Variants in GIGYF2 observed in about 807,000 individuals in gnomAD.
GIGYF2 encodes GRB10 interacting GYF protein 2.
GIGYF2 carries 25 observed loss-of-function variants against 208.1 expected under a neutral mutation model. The observed-to-expected ratio is 0.12, with a 90% confidence interval of 0.09 to 0.17. GIGYF2 has a LOEUF of 0.17. Among genes scored for constraint, GIGYF2 ranks in the 10% least tolerant of loss-of-function variants. GIGYF2 has a pLI of 1.00. For missense variants in GIGYF2, 1,302 were observed against 1,579.4 expected (o/e 0.82, Z 2.98); for synonymous variants, 534 against 543.8 (o/e 0.98, Z 0.25).
Position 232,793,928 on chromosome 2 carries a change from C to T in GIGYF2, c.1283-820C>T, listed in dbSNP as rs182317980. On this transcript the variant is annotated intron_variant, in intron 12 of 28. Coordinates refer to ENST00000373563, the MANE Select transcript of GIGYF2 (RefSeq NM_001103146.3). ...TTGGCAACTTTGTGTCACTGCTTAT[C>T]TTTGAGAGAGGAGCTTTACTGGAAA... Among the ~76,000 whole-genome samples, 69 of 152,238 alleles carry T rather than the reference C, an allele frequency of 4.5e-4. 1 individual carries two copies. The highest frequency in any genetic ancestry group is 1.3e-3 in the African/African-American group (53 of 41,560).
intron 2 of GIGYF2, among the ~76,000 whole-genome samples, chr2:232,711,729 T>TATATATATATA (rs1696420892): frequency 1.3e-5 from 1 of 75,006 alleles, no homozygotes; most frequent in South Asian, 8.1e-4. Flanking sequence ...ATATATATAG[T>TATATATATATA]TGTAATAGAA....
rs764669004 is a variant in GIGYF2, at chr2:232,806,914, C to T, written c.1806+257C>T. Among the ~76,000 whole-genome samples the T allele has an allele frequency of 3.9e-5, 6 of 152,186 alleles. No individual in the cohort carries two copies. The highest frequency in any genetic ancestry group is 8.8e-5 in the Non-Finnish European group (6 of 68,030). ...GAAACGGAATCCTTCAGTAGCATTC[C>T]AGCAGATGTAGAATGAAGACCAACA... On this transcript the variant is annotated intron_variant, in intron 15 of 28. Transcript: ENST00000373563. This position sits in a 1 kb window ranked among gnomAD's most constrained non-coding sequence, Gnocchi z 4.0.
chr2:232,847,227 C>G (rs1435074643), intron 26 of GIGYF2, 121 bp from the exon 27 acceptor site: 3 of 968,378 alleles, frequency 3.1e-6, no homozygotes, highest in South Asian at 1.3e-5. Context: ...GCATACTTAC[C>G]AAGTGTCTGT....
chr2:232,821,517 AT>A (rs1030860866), intron 21 of GIGYF2, among the ~76,000 whole-genome samples: 2 of 151,760 alleles, frequency 1.3e-5, no homozygotes, highest in South Asian at 4.2e-4. Flanking sequence ...CAATTTATCT[AT>A]TTTTTTTCTT....
At chr2:232,840,669 T>C (rs1194423580) in intron 23 of GIGYF2, among the ~76,000 whole-genome samples, 3 of 151,994 alleles carry the variant, frequency 2.0e-5, no homozygotes, top group African/African-American at 4.8e-5. Context: ...AAGAGAAAAG[T>C]AGAAAATGAA....
At chr2:232,730,707 G>A (rs1697439295) in intron 2 of GIGYF2, among the ~76,000 whole-genome samples, 1 of 149,266 alleles carries the variant, frequency 6.7e-6, no homozygotes, top group South Asian at 2.1e-4. Flanking sequence ...GACCATCCCG[G>A]CTAAAATGGT....
At chr2:232,818,338 C>CAGA (rs1452774878) in intron 20 of GIGYF2, among the ~76,000 whole-genome samples, 3 of 152,280 alleles carry the variant, frequency 2.0e-5, no homozygotes, top group Non-Finnish European at 2.9e-5. Context: ...TATAGCTGAG[C>CAGA]AGAAACCAGA....
intron 2 of GIGYF2, among the ~76,000 whole-genome samples, chr2:232,723,511 A>G (rs900888489): frequency 2.0e-5 from 3 of 149,312 alleles, no homozygotes; most frequent in African/African-American, 4.9e-5. Flanking sequence ...GCTCACTGCA[A>G]CCCCGCCCCC....
chr2:232,815,221 G>GT (rs35500184), intron 18 of GIGYF2, among the ~76,000 whole-genome samples: 25,207 of 152,192 alleles, frequency 0.17, 2,614 homozygotes, highest in Non-Finnish European at 0.22. Context: ...TTGGTGTGCA[G>GT]TGAGAGGCTG....
intron 20 of GIGYF2, among the ~76,000 whole-genome samples, 197 bp downstream of exon 20, chr2:232,817,229 A>G (rs1700942306): frequency 6.6e-6 from 1 of 152,202 alleles, no homozygotes. Flanking sequence ...CTAGTAAACC[A>G]CTAGAATTGA....
chr2:232,795,476 G>A (rs946747693), intron 13 of GIGYF2, among the ~76,000 whole-genome samples: 3 of 152,202 alleles, frequency 2.0e-5, no homozygotes, highest in African/African-American at 7.2e-5. Context: ...AAGCGAGATA[G>A]TGTCTTAGTA....
chr2:232,758,711 G>A (rs1298363768), intron 6 of GIGYF2, among the ~76,000 whole-genome samples: 1 of 152,138 alleles, frequency 6.6e-6, no homozygotes, highest in African/African-American at 2.4e-5. Flanking sequence ...TTTCTGGTAA[G>A]CTGGAGGCTA....
chr2:232,844,366 C>T lies in GIGYF2; in HGVS notation c.3100-3C>T. ...TAATCATTTTTCTCTTTTTCTTTAACAGCATTCCAACCTGCACACCAGCAT... is the reference window on the plus strand; with the variant it reads ...TAATCATTTTTCTCTTTTTCTTTAATAGCATTCCAACCTGCACACCAGCAT... On this transcript the variant is annotated splice_polypyrimidine_tract_variant and splice_region_variant and intron_variant, in intron 24 of 28. Transcript: ENST00000373563. The T allele has an allele frequency of 6.2e-7, 1 of 1,613,250 alleles. No homozygotes were observed. The highest frequency in any genetic ancestry group is 8.5e-7 in the Non-Finnish European group (1 of 1,179,194).
At chr2:232,787,108 GGC>G in intron 8 of GIGYF2, 40 bp from the exon 9 acceptor site, 1 of 1,441,464 alleles carries the variant, frequency 6.9e-7, no homozygotes, top group Non-Finnish European at 9.8e-7. Context: ...AGCCTATACT[GGC>G]AGAGGCTCAT....
rs1415433456 is a variant in GIGYF2, at chr2:232,798,979, AATCTGTTTCTATGAATTTTCT to A, written c.1639+2778_1639+2798del. On this transcript the variant is annotated intron_variant, in intron 14 of 28. Transcript: ENST00000373563. Reference sequence around the variant, plus strand: ...ATTACCATTGCCAGGGACTGGAGGAAATCTGTTTCTATGAATTTTCTATCTGTTTCTATGAATTTTACTATT... The same window carrying A: ...ATTACCATTGCCAGGGACTGGAGGAAATCTGTTTCTATGAATTTTACTATT... 5.3e-5 allele frequency among the ~76,000 whole-genome samples: 8 copies of A among 150,694 alleles called. No homozygotes were observed. In the East Asian group the frequency reaches 1.6e-3, roughly 30 times the overall value.
At chr2:232,801,127 TA>T (rs754431155) in intron 14 of GIGYF2, among the ~76,000 whole-genome samples, 1 of 152,196 alleles carries the variant, frequency 6.6e-6, no homozygotes, top group Non-Finnish European at 1.5e-5. Flanking sequence ...CTCCTGGCCG[TA>T]AGTGGTACTC....
chr2:232,749,020 C>G lies in GIGYF2; in HGVS notation c.205C>G (p.Pro69Ala). 1 of 1,602,600 alleles carries G rather than the reference C, an allele frequency of 6.2e-7. No individual in the cohort carries two copies. Among genetic ancestry groups the G allele is most frequent in the Non-Finnish European group, 8.5e-7 (1 of 1,169,602 alleles). ...AGACCTTCTGGATAAAGAATTTCTG[C>G]CTATCCTCCAGGAGGAACCCCTTCC... Reference protein sequence around the residue: ...PSDLLDKEFLPILQEEPLPPL... With the variant: ...PSDLLDKEFLAILQEEPLPPL... The change falls in exon 5 of 29, where the codon CCT (proline) becomes GCT (alanine). Residue 69 changes from proline to alanine, a missense_variant. Physicochemically the swap from Pro to Ala is conservative, Grantham distance 27. Coordinates refer to ENST00000373563, the MANE Select transcript of GIGYF2 (RefSeq NM_001103146.3).
At chr2:232,840,611 A>T (rs1473441546) in intron 23 of GIGYF2, among the ~76,000 whole-genome samples, 1 of 152,216 alleles carries the variant, frequency 6.6e-6, no homozygotes, top group South Asian at 2.1e-4. Flanking sequence ...AGCTGAGTCT[A>T]AAACAGGCAA....
At position 232,767,820 on chromosome 2, in the gene GIGYF2, A is replaced by G. The variant is rs539079150; in HGVS notation, c.532+6384A>G. On this transcript the variant is annotated intron_variant, in intron 8 of 28. Coordinates refer to ENST00000373563, the MANE Select transcript of GIGYF2 (RefSeq NM_001103146.3). ...GGTTTGAAACTAAACTGTTGCTTCA[A>G]TTTGCAGATGAAAATGAGAGATTAA... 331 of 263,342 alleles carry G rather than the reference A, an allele frequency of 1.3e-3. 1 individual carries two copies. The highest frequency in any genetic ancestry group is 2.0e-3 in the Non-Finnish European group (278 of 135,898). The allele number at this position is 263,342 out of a possible 1,614,324, so 16.3% of individuals were successfully genotyped here.
Sources: allele counts gnomAD v4.1 joint callset (sites outside exome capture counted in the v4.1 genomes callset), GRCh38; gene constraint gnomAD v4.1.1; non-coding constraint Gnocchi (gnomAD v3.1); transcripts MANE v1.5; gene names NCBI Gene and HGNC (gene_info 2026-07-23, HGNC 2026-07-21).